SNX29: variants seen among roughly 807,000 people sequenced by gnomAD.
SNX29 encodes sorting nexin 29.
In SNX29, 78 loss-of-function variants were observed where a neutral mutation model predicts 102.1. That is an observed-to-expected ratio of 0.76 (90% CI 0.64 to 0.92). SNX29 has a LOEUF of 0.92. Ranked by LOEUF, SNX29 falls within the 40% of genes least tolerant of loss-of-function variation. The probability of loss-of-function intolerance (pLI) is 0.00; values close to 1 mark genes in which losing one functional copy is unlikely to be tolerated. For synonymous variants in SNX29, 580 were observed against 414.5 expected, an observed-to-expected ratio of 1.40 and a Z score of -4.85; for missense variants, 1,280 against 1,061.7, an observed-to-expected ratio of 1.21 and a Z score of -2.86.
chr16:12,016,692 G>C (rs2056858305), intron 3 of SNX29, among the ~76,000 whole-genome samples: 1 of 152,116 alleles, frequency 6.6e-6, no homozygotes. Flanking sequence ...ATCTTTTCCT[G>C]TGCTTGTTGG....
intron 1 of SNX29, among the ~76,000 whole-genome samples, chr16:11,988,163 G>A (rs888897853): frequency 4.0e-4 from 61 of 152,004 alleles, no homozygotes; most frequent in Middle Eastern, 3.4e-3. Context: ...GTGTGGTGGC[G>A]GGTGCCTGTA....
intron 20 of SNX29, chr16:12,546,735 A>T (rs11075093): frequency 7.9e-5 from 12 of 152,054 alleles, no homozygotes; most frequent in African/African-American, 2.9e-4. Context: ...AACTAAGAAG[A>T]TAGGAGAAAA....
At chr16:12,047,593 C>G (rs1024973137) in intron 6 of SNX29, among the ~76,000 whole-genome samples, 1 of 151,668 alleles carries the variant, frequency 6.6e-6, no homozygotes, top group South Asian at 2.1e-4. Context: ...AATATTGTCC[C>G]CATCTTACAG....
rs556714276 is a variant in SNX29 at position 12,292,162 on chromosome 16, G to A, written c.1782+14126G>A. 3.9e-5 allele frequency among the ~76,000 whole-genome samples: 6 copies of A among 152,248 alleles called. No individual in the cohort carries two copies. The East Asian group carries it at 9.7e-4, about 25-fold the overall frequency. On this transcript the variant is annotated intron_variant, in intron 15 of 20. Transcript: ENST00000566228. ...GACCTTGCCAGTGAGACAGGGTGGG[G>A]AAGGGCAGTCCAGATGGCAGGAACA... is the stretch of plus-strand genomic sequence containing the variant.
intron 18 of SNX29, among the ~76,000 whole-genome samples, chr16:12,407,654 C>A (rs2084219667): frequency 6.6e-6 from 1 of 152,148 alleles, no homozygotes. Flanking sequence ...TTGTAGCCAT[C>A]CTGTGGGGTA....
intron 9 of SNX29, among the ~76,000 whole-genome samples, chr16:12,066,319 A>G (rs1333980325): frequency 6.6e-6 from 1 of 152,098 alleles, no homozygotes; most frequent in East Asian, 1.9e-4. Context: ...GTGAGCCAAG[A>G]GGAGGAGGTC....
chr16:12,110,804 C>CA (rs1382226758), intron 11 of SNX29, among the ~76,000 whole-genome samples: 1 of 151,442 alleles, frequency 6.6e-6, no homozygotes, highest in East Asian at 1.9e-4. Context: ...TGATTATTAA[C>CA]AAAAAATGGT....
chr16:12,166,156 A>G (rs918208131), intron 13 of SNX29, among the ~76,000 whole-genome samples: 12 of 152,238 alleles, frequency 7.9e-5, no homozygotes, highest in African/African-American at 2.9e-4. Context: ...TGGTTTGCCA[A>G]AGTGGATACA....
intron 4 of SNX29, among the ~76,000 whole-genome samples, chr16:12,034,625 A>G (rs1876708): frequency 0.32 from 47,933 of 151,974 alleles, 8,718 homozygotes; most frequent in African/African-American, 0.49. Flanking sequence ...CTATTTACTA[A>G]GGGGTATGAA....
chr16:12,413,597 C>T (rs1597293611), intron 18 of SNX29, among the ~76,000 whole-genome samples: 1 of 151,812 alleles, frequency 6.6e-6, no homozygotes, highest in African/African-American at 2.4e-5. Flanking sequence ...GACAATGGCA[C>T]CTCGGAAGCA....
At chr16:12,186,538 A>G (rs961690194) in intron 13 of SNX29, among the ~76,000 whole-genome samples, 5 of 152,198 alleles carry the variant, frequency 3.3e-5, no homozygotes, top group African/African-American at 1.2e-4. Context: ...CTGGTGCAGT[A>G]TTATGACGTG....
chr16:12,039,079 A>T (rs2057557643), intron 4 of SNX29, among the ~76,000 whole-genome samples: 1 of 152,236 alleles, frequency 6.6e-6, no homozygotes, highest in Non-Finnish European at 1.5e-5. Flanking sequence ...AGTTTATTCT[A>T]AATGATCCCA....
At chr16:12,529,437 C>T (rs765937057) in intron 20 of SNX29, among the ~76,000 whole-genome samples, 16 of 152,152 alleles carry the variant, frequency 1.1e-4, no homozygotes, top group Non-Finnish European at 2.1e-4. Flanking sequence ...TCCAAGAATT[C>T]GCTCAGTGAG....
intron 1 of SNX29, among the ~76,000 whole-genome samples, chr16:11,997,669 G>A (rs1233737644): frequency 6.6e-6 from 1 of 151,924 alleles, no homozygotes; most frequent in East Asian, 1.9e-4. Flanking sequence ...GGTAGATACA[G>A]GGCTTCATCA....
intron 19 of SNX29, among the ~76,000 whole-genome samples, chr16:12,496,913 G>T (rs187872348): frequency 1.3e-5 from 2 of 152,134 alleles, no homozygotes; most frequent in Admixed American, 1.3e-4. Context: ...AGCTGCAGAA[G>T]CATGGGTAAT....
rs867132276 is a variant in SNX29, at chr16:12,552,737, C to T, written c.2319-15769C>T. 5.9e-5 allele frequency among the ~76,000 whole-genome samples: 9 copies of T among 152,208 alleles called. No homozygotes were observed. In the South Asian group the frequency reaches 8.3e-4, roughly 14 times the overall value. Reference sequence around the variant, plus strand: ...ACTGATAGAAGAGACATGGTATCTCCAGTGAAATCACTTCTGATTTAAGGT... The same window carrying T: ...ACTGATAGAAGAGACATGGTATCTCTAGTGAAATCACTTCTGATTTAAGGT... On this transcript the variant is annotated intron_variant, in intron 20 of 20. Coordinates refer to ENST00000566228, the MANE Select transcript of SNX29 (RefSeq NM_032167.5).
At chr16:12,485,227 T>A (rs1458046152) in intron 19 of SNX29, among the ~76,000 whole-genome samples, 1 of 152,152 alleles carries the variant, frequency 6.6e-6, no homozygotes, top group African/African-American at 2.4e-5. Context: ...TTTCTAATGG[T>A]CTGAGGGAGT....
chr16:12,118,057 A>G (rs1187848277), intron 11 of SNX29, among the ~76,000 whole-genome samples: 1 of 151,998 alleles, frequency 6.6e-6, no homozygotes, highest in East Asian at 1.9e-4. Flanking sequence ...AGATCCCACC[A>G]CTGTACTTCA....
At chr16:12,540,377 C>G (rs1402621818) in intron 20 of SNX29, among the ~76,000 whole-genome samples, 1 of 152,134 alleles carries the variant, frequency 6.6e-6, no homozygotes, top group African/African-American at 2.4e-5. Context: ...TTATTGTTGC[C>G]CTACCAAATT....
Sources: allele counts gnomAD v4.1 joint callset (sites outside exome capture counted in the v4.1 genomes callset), GRCh38; gene constraint gnomAD v4.1.1; transcripts MANE v1.5; gene names NCBI Gene and HGNC (gene_info 2026-07-23, HGNC 2026-07-21).